CFAP47: variants seen among roughly 807,000 people sequenced by gnomAD.
CFAP47 encodes the protein cilia- and flagella-associated protein 47.
Under a neutral mutation model 148.1 loss-of-function variants are expected in CFAP47, and 29 were observed. That is an observed-to-expected ratio of 0.20 (90% CI 0.15 to 0.27). CFAP47 has a LOEUF of 0.27. Ranked by LOEUF, CFAP47 falls within the 10% of genes least tolerant of loss-of-function variation. CFAP47 has a pLI of 1.00. For missense variants in CFAP47, 1,872 were observed against 1,697.5 expected (o/e 1.10, Z -1.81); for synonymous variants, 664 against 577.3 (o/e 1.15, Z -2.15).
At chrX:36,203,013 A>G in intron 44 of CFAP47, among the ~76,000 whole-genome samples, 1 of 111,703 alleles carries the variant, frequency 9.0e-6, no homozygotes, top group East Asian at 2.8e-4. Context: ...GCATTGTAGA[A>G]ATTATTTATT....
Position 35,962,926 on chromosome X carries a change from GGTGTGTGTGTGTGTGTGT to G in CFAP47, c.1411-3610_1411-3593del, listed in dbSNP as rs59734260. 1.5e-3 allele frequency among the ~76,000 whole-genome samples: 134 copies of G among 90,793 alleles called. 1 individual carries two copies. The highest frequency in any genetic ancestry group is 5.0e-3 in the African/African-American group (124 of 24,664). The allele number at this position is 90,793 out of a possible 115,157, so 78.8% of individuals were successfully genotyped here. On this transcript the variant is annotated intron_variant, in intron 8 of 63. Coordinates refer to ENST00000378653, the MANE Select transcript of CFAP47 (RefSeq NM_001304548.2). The stretch of plus-strand genomic sequence containing the variant: ...CATTCCCCTTGGATAAATAAAATGT[GGTGTGTGTGTGTGTGTGT>G]GTGTGTGTGTGTGTGTGTGTGTGTG...
chrX:36,229,183 A>T (rs1401548682), intron 46 of CFAP47, among the ~76,000 whole-genome samples: 1 of 111,907 alleles, frequency 8.9e-6, no homozygotes, highest in Non-Finnish European at 1.9e-5. Flanking sequence ...GAGAACAATG[A>T]TTGCCTGTAG....
chrX:36,162,607 T>G (rs1939444063), intron 39 of CFAP47, among the ~76,000 whole-genome samples: 1 of 111,513 alleles, frequency 9.0e-6, no homozygotes, highest in African/African-American at 3.3e-5. Flanking sequence ...GAATTGATCA[T>G]GTTTTATCAA....
At chrX:36,041,055 A>C (rs931408366) in intron 25 of CFAP47, among the ~76,000 whole-genome samples, 13 of 112,100 alleles carry the variant, frequency 1.2e-4, no homozygotes, top group Non-Finnish European at 1.9e-4. Flanking sequence ...AATTTTAAAC[A>C]TTCAGCTTTA....
intron 39 of CFAP47, among the ~76,000 whole-genome samples, chrX:36,176,065 A>G (rs1221991723): frequency 8.9e-6 from 1 of 112,540 alleles, no homozygotes; most frequent in African/African-American, 3.2e-5. Flanking sequence ...CCGATTTTCC[A>G]GGTGCCGTCT....
At chrX:35,940,460 C>G (rs140974938) in intron 2 of CFAP47, among the ~76,000 whole-genome samples, 1,384 of 111,418 alleles carry the variant, frequency 0.012, 16 homozygotes, top group Middle Eastern at 0.033. Context: ...CTTAGATAGG[C>G]ACTTCCTCTG....
intron 57 of CFAP47, among the ~76,000 whole-genome samples, chrX:36,322,528 T>C (rs782323408): frequency 9.0e-6 from 1 of 111,550 alleles, no homozygotes; most frequent in African/African-American, 3.2e-5. Context: ...ACTTTTATTT[T>C]AAATACTACA....
chrX:36,375,521 T>A (rs782394726), intron 62 of CFAP47, among the ~76,000 whole-genome samples: 3 of 112,277 alleles, frequency 2.7e-5, no homozygotes, highest in African/African-American at 9.7e-5. Context: ...ATGTTCTGCA[T>A]ATAGCTGTTA....
At chrX:36,199,888 T>C (rs1939960767) in intron 42 of CFAP47, among the ~76,000 whole-genome samples, 1 of 111,636 alleles carries the variant, frequency 9.0e-6, no homozygotes, top group African/African-American at 3.3e-5. Context: ...TAAAAGATTC[T>C]TTTCTTTCTT....
intron 8 of CFAP47, among the ~76,000 whole-genome samples, chrX:35,965,552 T>C (rs931767721): frequency 1.3e-4 from 15 of 112,009 alleles, no homozygotes; most frequent in African/African-American, 4.9e-4. Context: ...TTTAAACTTT[T>C]CTATTTGTGC....
chrX:36,371,699 C>CAT (rs1556021559), intron 62 of CFAP47, among the ~76,000 whole-genome samples: 7 of 56,636 alleles, frequency 1.2e-4, no homozygotes, highest in Admixed American at 1.1e-3. Context: ...TATATACACA[C>CAT]ATGTGTATAT....
At chrX:36,234,443 C>T (rs1940422674) in intron 46 of CFAP47, among the ~76,000 whole-genome samples, 1 of 112,275 alleles carries the variant, frequency 8.9e-6, no homozygotes, top group South Asian at 3.7e-4. Context: ...ACGTAGTTCT[C>T]AAGCCTTGGC....
chrX:36,167,984 G>T (rs1342204495), intron 39 of CFAP47, among the ~76,000 whole-genome samples: 4 of 109,613 alleles, frequency 3.6e-5, no homozygotes, highest in Non-Finnish European at 7.6e-5. Flanking sequence ...GCTTAATGTT[G>T]GTCTTAAATA....
intron 33 of CFAP47, among the ~76,000 whole-genome samples, chrX:36,126,303 G>T (rs1938837308): frequency 9.1e-6 from 1 of 110,156 alleles, no homozygotes. Context: ...ATGTCAACGT[G>T]TTCTCACTGT....
At chrX:36,273,116 C>T (rs371858853) in intron 49 of CFAP47, among the ~76,000 whole-genome samples, 9 of 110,918 alleles carry the variant, frequency 8.1e-5, no homozygotes, top group African/African-American at 2.9e-4. Flanking sequence ...TAGCATATGC[C>T]TAGCACACAG....
At chrX:36,298,058 G>A (rs781830111) in intron 51 of CFAP47, among the ~76,000 whole-genome samples, 219 of 104,922 alleles carry the variant, frequency 2.1e-3, no homozygotes, top group Non-Finnish European at 3.1e-3. Flanking sequence ...CCCATTACTG[G>A]GTATATACCC....
chrX:36,074,120 T>G (rs1283842434), intron 29 of CFAP47, among the ~76,000 whole-genome samples: 1 of 112,061 alleles, frequency 8.9e-6, no homozygotes, highest in Non-Finnish European at 1.9e-5. Context: ...GTTTTTTAAT[T>G]AATAGGACAA....
chrX:36,080,359 G>A (rs1221790875), intron 29 of CFAP47, among the ~76,000 whole-genome samples: 3 of 111,564 alleles, frequency 2.7e-5, no homozygotes, highest in African/African-American at 9.8e-5. Context: ...ACCATTAGTG[G>A]AAGACAGTGT....
At chrX:36,318,855 A>G (rs1332085143) in intron 56 of CFAP47, among the ~76,000 whole-genome samples, 1 of 111,544 alleles carries the variant, frequency 9.0e-6, no homozygotes, top group Non-Finnish European at 1.9e-5. Context: ...TTTTTAAAAT[A>G]TAGAGATGTG....
Sources: allele counts gnomAD v4.1 joint callset (sites outside exome capture counted in the v4.1 genomes callset), GRCh38; gene constraint gnomAD v4.1.1; transcripts MANE v1.5; gene names NCBI Gene and HGNC (gene_info 2026-07-23, HGNC 2026-07-21).